The following ANPEP variants were observed in gnomAD, a reference collection of about 807,000 sequenced individuals.
ANPEP encodes the protein alanyl aminopeptidase, membrane, also known as aminopeptidase N.
ANPEP carries 70 observed loss-of-function variants against 114.6 expected under a neutral mutation model. The ratio of observed to expected loss-of-function variants is 0.61; its 90% CI spans 0.50 to 0.75. The LOEUF (loss-of-function observed/expected upper bound fraction) is 0.75, where lower values mean the gene tolerates loss of function less well. Among genes scored for constraint, ANPEP ranks in the 30% least tolerant of loss-of-function variants. The probability of loss-of-function intolerance (pLI) is 0.00; values close to 1 mark genes in which losing one functional copy is unlikely to be tolerated. For synonymous variants in ANPEP, 548 were observed against 522.3 expected, an observed-to-expected ratio of 1.05 and a Z score of -0.67; for missense variants, 1,184 against 1,259.5, an observed-to-expected ratio of 0.94 and a Z score of 0.91.
Position 89,793,101 on chromosome 15 carries a change from G to T in ANPEP, c.2183C>A (p.Pro728His). The T allele has an allele frequency of 3.1e-6, 5 of 1,614,036 alleles. No homozygotes were observed. Among genetic ancestry groups the T allele is most frequent in the South Asian group, 1.1e-5 (1 of 91,076 alleles). ...MKNYLKKQVT[P>H]LFIHFRNNTN... ...ATTATTTCTGAAGTGAATGAAGAGG[G>T]GTGTGACCTGCTTCTTCAGGTAGTT... Residue 728 changes from proline (P) to histidine (H), a missense_variant, in exon 16 of 21, where the codon CCC becomes CAC. Pro to His is a moderately conservative substitution (Grantham distance 77, BLOSUM62 -2). Transcript: ENST00000300060.
chr15:89,789,408 C>G (rs16974181), intron 20 of ANPEP, among the ~76,000 whole-genome samples: 33,350 of 152,042 alleles, frequency 0.22, 4,410 homozygotes, highest in African/African-American at 0.37. Context: ...TTTGAATATG[C>G]CTTGGGTATA....
At position 89,804,784 on chromosome 15, in the gene ANPEP, T is replaced by C. The variant is rs2141809731; in HGVS notation, c.898-167A>G. ...TCAGCAGAGGGGAACGCTACTGGGG[T>C]CTGGAGGCTGTGGGTCCTAGAGAAG... On this transcript the variant is annotated intron_variant, in intron 4 of 20. Coordinates refer to ENST00000300060, the MANE Select transcript of ANPEP (RefSeq NM_001150.3). The C allele has an allele frequency of 3.0e-6, 3 of 1,012,942 alleles. No homozygotes were observed. The East Asian group carries it at 7.7e-5, about 26-fold the overall frequency. 62.7% of individuals were successfully genotyped at this position (1,012,942 alleles called of 1,614,324 possible).
In ANPEP at chr15:89,806,965, A is replaced by G. The variant is rs1894729302; in HGVS notation, c.-223-159T>C. On this transcript the variant is annotated intron_variant, in intron 1 of 20. Coordinates refer to ENST00000300060, the MANE Select transcript of ANPEP (RefSeq NM_001150.3). This position sits in a 1 kb window ranked among gnomAD's most constrained non-coding sequence, Gnocchi z 5.7. ...TGAGAGCTGAGAGGGTGGGAACAGCATCAGAACTGAGGTTAGAGTCAGGGA... is the reference window on the plus strand; with the variant it reads ...TGAGAGCTGAGAGGGTGGGAACAGCGTCAGAACTGAGGTTAGAGTCAGGGA... The G allele has an allele frequency of 4.7e-6, 1 of 213,426 alleles. No individual in the cohort carries two copies. Among genetic ancestry groups the G allele is most frequent in the Admixed American group, 5.2e-5 (1 of 19,340 alleles). The allele number at this position is 213,426 out of a possible 1,614,324, so 13.2% of individuals were successfully genotyped here. A position where few individuals can be genotyped will look rare whatever the true frequency, so the allele number is the denominator to read the frequency against.
At position 89,805,081 on chromosome 15, in the gene ANPEP, GA is replaced by G. The variant is rs1161969935; in HGVS notation, c.893del (p.Val298AlafsTer2). On this transcript the variant is annotated frameshift_variant, in exon 4 of 21. Transcript: ENST00000300060. LOFTEE classifies it high-confidence loss of function. Reference protein sequence around the residue: ...DYVEKQASNGVLIRIWARPSA... With the variant: ...DYVEKQASNGXLIRIWARPSA... The stretch of plus-strand genomic sequence containing the variant: ...AGAGATGGGCCCAGCCTCATACCAA[GA>G]CACCATTGGATGCCTGCTTCTCCAC... The G allele has an allele frequency of 3.7e-6, 6 of 1,614,112 alleles. No homozygotes were observed. The highest frequency in any genetic ancestry group is 1.6e-4 in the Middle Eastern group (1 of 6,082).
In ANPEP at chr15:89,803,230, G is replaced by A; in HGVS notation, c.1569+9C>T. ...CAGGATGGCTGTGGAGGGGCTGGCT[G>A]CTACTGACCTCCTGCAGGTGGTCCC... is the stretch of plus-strand genomic sequence containing the variant. On this transcript the variant is annotated intron_variant, in intron 10 of 20. Coordinates refer to ENST00000300060, the MANE Select transcript of ANPEP (RefSeq NM_001150.3). This position sits in a 1 kb window ranked among gnomAD's most constrained non-coding sequence, Gnocchi z 4.2. 1.2e-6 allele frequency: 2 copies of A among 1,613,714 alleles called. No individual in the cohort carries two copies. Among genetic ancestry groups the A allele is most frequent in the Non-Finnish European group, 1.7e-6 (2 of 1,179,582 alleles).
At position 89,801,539 on chromosome 15, in the gene ANPEP, C is replaced by T; in HGVS notation, c.1638G>A (p.Gln546=). 1 of 1,614,210 alleles carries T rather than the reference C, an allele frequency of 6.2e-7. No homozygotes were observed. The highest frequency in any genetic ancestry group is 8.5e-7 in the Non-Finnish European group (1 of 1,180,014). Residue 546 remains glutamine, a synonymous_variant, in exon 11 of 21, where the codon CAG becomes CAA. Transcript: ENST00000300060. ...VRDIMNRWTL[Q]MGFPVITVDT... is the part of the protein sequence containing the mutation. ...CCACCGTGATGACCGGGAAGCCCATCTGCAGGGTCCAGCGGTTCATGATGT... is the reference window on the plus strand; with the variant it reads ...CCACCGTGATGACCGGGAAGCCCATTTGCAGGGTCCAGCGGTTCATGATGT...
rs920742658 is a variant in ANPEP at position 89,785,064 on chromosome 15, G to T, written c.*285C>A. 4 of 392,310 alleles carry T rather than the reference G, an allele frequency of 1.0e-5. No individual in the cohort carries two copies. The highest frequency in any genetic ancestry group is 1.9e-5 in the Non-Finnish European group (4 of 211,880). 24.3% of individuals were successfully genotyped at this position (392,310 alleles called of 1,614,324 possible). On this transcript the variant is annotated 3_prime_UTR_variant, in exon 21 of 21. Transcript: ENST00000300060. ...GAGAGCTTCTGCTCATCTGGCCCTG[G>T]AGCTGGGCTTCCCTGAGATCAGCCC...
chr15:89,799,177 G>A lies in ANPEP; in HGVS notation c.2009+83C>T, dbSNP rs904722315. The A allele has an allele frequency of 2.0e-6, 3 of 1,519,684 alleles. No homozygotes were observed. The African/African-American group carries it at 4.1e-5, about 21-fold the overall frequency. 94.1% of individuals were successfully genotyped at this position (1,519,684 alleles called of 1,614,324 possible). A position where few individuals can be genotyped will look rare whatever the true frequency, so the allele number is the denominator to read the frequency against. ...CACGTGGCATATGGGAAGGGCAGCA[G>A]GAGGAGCAGGGGCCCTCATTGTGGA... On this transcript the variant is annotated intron_variant, in intron 14 of 20. Coordinates refer to ENST00000300060, the MANE Select transcript of ANPEP (RefSeq NM_001150.3). The surrounding 1 kb of genome is among the most constrained non-coding windows in gnomAD (Gnocchi z 4.2).
Position 89,803,173 on chromosome 15 carries a change from C to A in ANPEP, c.1569+66G>T. ...ACCCATTCTCTTACGCATGTGCTGC[C>A]CCCAGGTACCTTCAGCATCTCAAGA... On this transcript the variant is annotated intron_variant, in intron 10 of 20. Transcript: ENST00000300060. This position sits in a 1 kb window ranked among gnomAD's most constrained non-coding sequence, Gnocchi z 4.2. The A allele has an allele frequency of 6.5e-7, 1 of 1,547,128 alleles. No individual in the cohort carries two copies. The highest frequency in any genetic ancestry group is 8.9e-7 in the Non-Finnish European group (1 of 1,119,404).
rs1894676575 is a variant in ANPEP, at chr15:89,804,874, C to T, written c.897+204G>A. 1.3e-5 allele frequency: 11 copies of T among 862,872 alleles called. No homozygotes were observed. The East Asian group carries it at 1.6e-4, about 12-fold the overall frequency. The allele number at this position is 862,872 out of a possible 1,614,324, so 53.5% of individuals were successfully genotyped here. A position where few individuals can be genotyped will look rare whatever the true frequency, so the allele number is the denominator to read the frequency against. On this transcript the variant is annotated intron_variant, in intron 4 of 20. Coordinates refer to ENST00000300060, the MANE Select transcript of ANPEP (RefSeq NM_001150.3). ...CTGGTAACCGGTGGGTCAGGAACTC[C>T]CTTCATGAAGAGAAACCATTGTTTT...
chr15:89,805,849 G>T, intron 2 of ANPEP, 121 bp downstream of exon 2: 2 of 1,350,714 alleles, frequency 1.5e-6, no homozygotes, highest in Non-Finnish European at 1.0e-6. Flanking sequence ...GAAGCAATGG[G>T]CCAGTCTCGG....
chr15:89,787,949 C>T (rs1225902442), intron 20 of ANPEP, among the ~76,000 whole-genome samples: 2 of 152,198 alleles, frequency 1.3e-5, no homozygotes, highest in Non-Finnish European at 2.9e-5. Flanking sequence ...TTCCTACCCA[C>T]TAGATGACTA....
chr15:89,806,290 C>T lies in ANPEP; in HGVS notation c.294G>A (p.Arg98=), dbSNP rs760685345. 1.9e-6 allele frequency: 3 copies of T among 1,614,156 alleles called. No homozygotes were observed. Among genetic ancestry groups the T allele is most frequent in the Non-Finnish European group, 2.5e-6 (3 of 1,180,040 alleles). ...TGGAGCCCTTAAAAACGTACAGGCC[C>T]CTGTCATTGGGGGTGAGGTACGGTC... The part of the protein sequence containing the change: ...TLRPYLTPND[R]GLYVFKGSST... The change falls in exon 2 of 21, where the codon AGG becomes AGA. Residue 98 remains arginine (R), a synonymous_variant. Transcript: ENST00000300060. This position sits in a 1 kb window ranked among gnomAD's most constrained non-coding sequence, Gnocchi z 5.7.
chr15:89,803,168 G>T lies in ANPEP; in HGVS notation c.1569+71C>A, dbSNP rs897075789. 17 of 1,526,440 alleles carry T rather than the reference G, an allele frequency of 1.1e-5. No homozygotes were observed. The highest frequency in any genetic ancestry group is 1.5e-5 in the Non-Finnish European group (16 of 1,100,630). The allele number at this position is 1,526,440 out of a possible 1,614,324, so 94.6% of individuals were successfully genotyped here. ...GCTGGACCCATTCTCTTACGCATGTGCTGCCCCCAGGTACCTTCAGCATCT... is the reference window on the plus strand; with the variant it reads ...GCTGGACCCATTCTCTTACGCATGTTCTGCCCCCAGGTACCTTCAGCATCT... On this transcript the variant is annotated intron_variant, in intron 10 of 20. Coordinates refer to ENST00000300060, the MANE Select transcript of ANPEP (RefSeq NM_001150.3). This position sits in a 1 kb window ranked among gnomAD's most constrained non-coding sequence, Gnocchi z 4.2.
Position 89,785,207 on chromosome 15 carries a change from AGAGAAC to A in ANPEP, c.*136_*141del. 4 of 1,133,180 alleles carry A rather than the reference AGAGAAC, an allele frequency of 3.5e-6. No individual in the cohort carries two copies. The highest frequency in any genetic ancestry group is 5.0e-6 in the Non-Finnish European group (4 of 792,138). 70.2% of individuals were successfully genotyped at this position (1,133,180 alleles called of 1,614,324 possible). A position where few individuals can be genotyped will look rare whatever the true frequency, so the allele number is the denominator to read the frequency against. ...AGGAACTAGACTGGCTCACAGGCAG[AGAGAAC>A]GTGGGCTGGAGACTTTGTCCTTGAG... On this transcript the variant is annotated 3_prime_UTR_variant, in exon 21 of 21. Coordinates refer to ENST00000300060, the MANE Select transcript of ANPEP (RefSeq NM_001150.3).
chr15:89,805,566 C>T, intron 2 of ANPEP, 103 bp from the exon 3 acceptor site: 7 of 1,467,182 alleles, frequency 4.8e-6, no homozygotes, highest in East Asian at 2.4e-5. Context: ...TGGAAGGCTG[C>T]CCCAGCCTAA....
chr15:89,797,320 G>A (rs1968746767), intron 15 of ANPEP: 3 of 411,272 alleles, frequency 7.3e-6, no homozygotes, highest in Admixed American at 4.4e-5. Context: ...TTATTGTTTT[G>A]CCCCACGCAG....
intron 1 of ANPEP, among the ~76,000 whole-genome samples, chr15:89,812,073 G>A (rs1790464921): frequency 6.6e-6 from 1 of 152,200 alleles, no homozygotes; most frequent in Non-Finnish European, 1.5e-5. Context: ...GGTGGGGAGA[G>A]GCTCCTTGGT....
rs538288039 is a variant in ANPEP, at chr15:89,797,619, A to G, written c.2113T>C (p.Phe705Leu). ...WEAALSSLSY[F>L]KLMFDRSEVY... ...TCGGAGCGGTCAAACATGAGCTTGA[A>G]GTAGCTCAGGCTGCTCAGGGCGGCC... The change falls in exon 15 of 21, where the codon TTC (phenylalanine) becomes CTC (leucine). Residue 705 changes from phenylalanine (F) to leucine (L), a missense_variant. Physicochemically the swap from Phe to Leu is conservative, Grantham distance 22. Transcript: ENST00000300060. The G allele has an allele frequency of 6.2e-7, 1 of 1,614,160 alleles. No homozygotes were observed. The highest frequency in any genetic ancestry group is 2.2e-5 in the East Asian group (1 of 44,880).
Sources: allele counts gnomAD v4.1 joint callset (sites outside exome capture counted in the v4.1 genomes callset), GRCh38; gene constraint gnomAD v4.1.1; non-coding constraint Gnocchi (gnomAD v3.1); transcripts MANE v1.5; gene names NCBI Gene and HGNC (gene_info 2026-07-23, HGNC 2026-07-21).